The following TMEM181 variants were observed in gnomAD, a reference collection of about 807,000 sequenced individuals.
The protein encoded by TMEM181 is transmembrane protein 181.
In TMEM181, 39 loss-of-function variants were observed where a neutral mutation model predicts 71.9. The observed-to-expected ratio is 0.54, with a 90% CI of 0.42 to 0.71. The LOEUF is 0.71. Among genes scored for constraint, TMEM181 ranks in the 30% least tolerant of loss-of-function variants. The pLI is 0.00. For synonymous variants in TMEM181, 245 were observed against 228.8 expected (o/e 1.07, Z -0.64); for missense variants, 595 against 583.0 (o/e 1.02, Z -0.21).
chr6:158,606,371 T>C (rs1447887479), intron 7 of TMEM181, among the ~76,000 whole-genome samples: 1 of 152,240 alleles, frequency 6.6e-6, no homozygotes, highest in Non-Finnish European at 1.5e-5. Flanking sequence ...GCTTCATAAA[T>C]GAAAGTAGAA....
At chr6:158,553,230 A>G (rs952699133) in intron 1 of TMEM181, among the ~76,000 whole-genome samples, 26 of 152,274 alleles carry the variant, frequency 1.7e-4, no homozygotes, top group African/African-American at 6.0e-4. Flanking sequence ...ACATTTAATG[A>G]ATATCTGTTG....
intron 10 of TMEM181, among the ~76,000 whole-genome samples, chr6:158,612,714 G>A (rs1210005349): frequency 2.0e-5 from 3 of 152,216 alleles, no homozygotes; most frequent in African/African-American, 7.2e-5. Context: ...AGAGGCAGAG[G>A]CACATGTTTG....
chr6:158,597,621 C>T (rs1302910009), intron 6 of TMEM181, among the ~76,000 whole-genome samples: 2 of 152,142 alleles, frequency 1.3e-5, no homozygotes, highest in African/African-American at 2.4e-5. Flanking sequence ...CCACCTCAGT[C>T]TCCTGAGTAG....
At chr6:158,626,932 ATTCTCACCCT>A (rs770998323) in intron 13 of TMEM181, among the ~76,000 whole-genome samples, 2 of 77,368 alleles carry the variant, frequency 2.6e-5, no homozygotes, top group Admixed American at 1.4e-4. Context: ...TCTCACCCTC[ATTCTCACCCT>A]CACCCTCACC....
chr6:158,615,661 A>G (rs1211853526), intron 10 of TMEM181, among the ~76,000 whole-genome samples: 1 of 152,172 alleles, frequency 6.6e-6, no homozygotes, highest in Non-Finnish European at 1.5e-5. Flanking sequence ...TAATTTTTGT[A>G]TAGGGTGTAA....
intron 2 of TMEM181, among the ~76,000 whole-genome samples, chr6:158,573,724 G>T (rs1290267926): frequency 2.0e-5 from 3 of 152,218 alleles, no homozygotes; most frequent in African/African-American, 7.2e-5. Flanking sequence ...GCAGTAAGTA[G>T]CCCCGAGTGA....
intron 4 of TMEM181, among the ~76,000 whole-genome samples, chr6:158,584,435 A>T (rs9364977): frequency 0.33 from 50,126 of 152,088 alleles, 8,826 homozygotes; most frequent in East Asian, 0.66. Flanking sequence ...GGAGTGCTCC[A>T]GGCATCTAGT....
At chr6:158,573,700 T>C (rs752943021) in intron 2 of TMEM181, among the ~76,000 whole-genome samples, 177 bp downstream of exon 2, 2 of 152,084 alleles carry the variant, frequency 1.3e-5, no homozygotes, top group Non-Finnish European at 2.9e-5. Flanking sequence ...CTCTGTCTCT[T>C]GTGGGGGAGG....
chr6:158,626,350 T>C (rs34976165), intron 13 of TMEM181: 65,896 of 456,032 alleles, frequency 0.14, 5,306 homozygotes, highest in African/African-American at 0.22. Flanking sequence ...AGGTAATTGC[T>C]TGGTGGTTTA....
intron 2 of TMEM181, among the ~76,000 whole-genome samples, chr6:158,578,022 G>A (rs1393893762): frequency 6.6e-6 from 1 of 152,124 alleles, no homozygotes; most frequent in African/African-American, 2.4e-5. Context: ...CCCGGGAGGT[G>A]GAGGTTGTGG....
rs553948423 is a variant in TMEM181, at chr6:158,631,664, G to C, written c.1350-146G>C. 3 of 957,094 alleles carry C rather than the reference G, an allele frequency of 3.1e-6. No homozygotes were observed. The East Asian group carries it at 7.9e-5, about 25-fold the overall frequency. The allele number at this position is 957,094 out of a possible 1,614,324, so 59.3% of individuals were successfully genotyped here. On this transcript the variant is annotated intron_variant, in intron 16 of 16. Coordinates refer to ENST00000684151, the MANE Select transcript of TMEM181 (RefSeq NM_001376852.1). ...GGGAACTGGGGGTCAGGGAGAGGAG[G>C]ACGGGGTGAGCAGTAGCAGTTGGTG...
intron 10 of TMEM181, among the ~76,000 whole-genome samples, chr6:158,622,059 G>T (rs975140016): frequency 1.3e-5 from 2 of 152,052 alleles, no homozygotes; most frequent in Non-Finnish European, 2.9e-5. Flanking sequence ...CCAGACACCC[G>T]CCCTGCCTGC....
chr6:158,561,961 C>CTGAG (rs2128285909), intron 1 of TMEM181, among the ~76,000 whole-genome samples: 1 of 152,306 alleles, frequency 6.6e-6, no homozygotes, highest in East Asian at 1.9e-4. Flanking sequence ...ACTTAGGTGA[C>CTGAG]TGAGTGTTCT....
chr6:158,579,261 A>G (rs1205206744), intron 2 of TMEM181, among the ~76,000 whole-genome samples: 1 of 127,444 alleles, frequency 7.8e-6, no homozygotes, highest in African/African-American at 3.0e-5. Flanking sequence ...CTCCGTCTCA[A>G]AATTAAAAAA....
intron 10 of TMEM181, chr6:158,611,048 G>C: frequency 4.4e-6 from 2 of 455,928 alleles, no homozygotes; most frequent in South Asian, 3.6e-5. Context: ...CTAAATGAGA[G>C]AGTCATCCAG....
chr6:158,627,997 A>G (rs547741882), intron 13 of TMEM181, among the ~76,000 whole-genome samples: 1 of 152,244 alleles, frequency 6.6e-6, no homozygotes, highest in East Asian at 1.9e-4. Flanking sequence ...CTGAAAGGGG[A>G]GCTGTGACGA....
At chr6:158,591,321 G>T (rs1289989800) in intron 6 of TMEM181, among the ~76,000 whole-genome samples, 1 of 152,142 alleles carries the variant, frequency 6.6e-6, no homozygotes, top group Non-Finnish European at 1.5e-5. Context: ...TGCAGGGGCA[G>T]GTGTTGCTGA....
intron 1 of TMEM181, among the ~76,000 whole-genome samples, chr6:158,565,193 T>C (rs1382670875): frequency 2.0e-5 from 3 of 152,244 alleles, no homozygotes. Flanking sequence ...TGTATCTGTT[T>C]TGTGGTTCTG....
chr6:158,627,130 T>C (rs1428511413), intron 13 of TMEM181, among the ~76,000 whole-genome samples: 4 of 135,868 alleles, frequency 2.9e-5, no homozygotes, highest in African/African-American at 1.1e-4. Context: ...CACACACCCT[T>C]GCTCACACAC....
Sources: gnomAD v4.1 joint callset for allele counts (sites outside exome capture counted in the v4.1 genomes callset) on GRCh38, gnomAD v4.1.1 for gene constraint, MANE v1.5 for transcripts, NCBI Gene and HGNC (gene_info 2026-07-23, HGNC 2026-07-21) for gene names.